Variants in MTR observed in about 807,000 individuals in gnomAD.
The protein encoded by MTR is 5-methyltetrahydrofolate-homocysteine methyltransferase, also known as methionine synthase.
A neutral mutation model predicts 154.8 loss-of-function variants in MTR; 84 were observed. The observed-to-expected ratio is 0.54, with a 90% CI of 0.45 to 0.65. The LOEUF is 0.65. MTR is among the 30% of genes least tolerant of loss of function. The pLI, the probability that MTR is intolerant of heterozygous loss-of-function variation, is 0.00. For synonymous variants in MTR, 554 were observed against 553.9 expected (o/e 1.00, Z 0.00); for missense variants, 1,275 against 1,570.2 (o/e 0.81, Z 3.18).
intron 8 of MTR, 72 bp downstream of exon 8, chr1:236,816,615 C>A: frequency 8.1e-7 from 1 of 1,241,824 alleles, no homozygotes; most frequent in South Asian, 1.2e-5. Flanking sequence ...GGAGTGTGAC[C>A]TGGGAGGGGA....
In MTR at chr1:236,898,064, C is replaced by G; in HGVS notation, c.*420C>G. On this transcript the variant is annotated 3_prime_UTR_variant, in exon 33 of 33. Coordinates refer to ENST00000366577, the MANE Select transcript of MTR (RefSeq NM_000254.3). ...TGAATAGAGAAGTGTGACCCTGTGA[C>G]AAAATGATACTGTGAGAAATGGGGC... is the stretch of plus-strand genomic sequence containing the variant. 4.8e-6 allele frequency: 1 copy of G among 209,962 alleles called. No individual in the cohort carries two copies. Among genetic ancestry groups the G allele is most frequent in the Non-Finnish European group, 9.5e-6 (1 of 104,784 alleles). 13.0% of individuals were successfully genotyped at this position (209,962 alleles called of 1,614,324 possible).
intron 13 of MTR, 30 bp from the exon 14 acceptor site, chr1:236,835,517 A>G: frequency 6.2e-7 from 1 of 1,612,520 alleles, no homozygotes; most frequent in Non-Finnish European, 8.5e-7. Context: ...CTGTCTCCTA[A>G]TGCTGCTTCC....
intron 8 of MTR, chr1:236,820,033 C>T (rs1317396695): frequency 1.2e-6 from 1 of 863,198 alleles, no homozygotes; most frequent in Non-Finnish European, 2.0e-6. Context: ...GACCAGCAGC[C>T]TCTCATGGAG....
rs1662122243 is a variant in MTR at position 236,823,806 on chromosome 1, T to TC, written c.765-313_765-312insC. Among the ~76,000 whole-genome samples the TC allele has an allele frequency of 2.3e-5, 3 of 130,430 alleles. No homozygotes were observed. In the East Asian group the frequency reaches 6.6e-4, roughly 29 times the overall value. 85.6% of individuals were successfully genotyped at this position (130,430 alleles called of 152,430 possible). On this transcript the variant is annotated intron_variant, in intron 8 of 32. Coordinates refer to ENST00000366577, the MANE Select transcript of MTR (RefSeq NM_000254.3). ...GCTTTCAGGTCAGATCTTTTTTTTT[T>TC]TTTTTTTTTTTTTTTTTTTTTTTAG...
chr1:236,867,046 C>T (rs576599644), intron 22 of MTR, among the ~76,000 whole-genome samples: 1 of 152,296 alleles, frequency 6.6e-6, no homozygotes, highest in South Asian at 2.1e-4. Context: ...TAGCTGACAT[C>T]ACTGAGGAAG....
At chr1:236,827,884 A>C (rs1334214043) in intron 11 of MTR, among the ~76,000 whole-genome samples, 1 of 152,110 alleles carries the variant, frequency 6.6e-6, no homozygotes, top group Non-Finnish European at 1.5e-5. Flanking sequence ...CACTGTTCCA[A>C]GTCTGTTTTC....
rs997975544 is a variant in MTR, at chr1:236,859,990, G to A, written c.2043+68G>A. ...TGGCTGACTGATCCTGTTGTGGGCGGTGTGACAGTAGCTGGAGAAGGAGAT... is the reference window on the plus strand; with the variant it reads ...TGGCTGACTGATCCTGTTGTGGGCGATGTGACAGTAGCTGGAGAAGGAGAT... On this transcript the variant is annotated intron_variant, in intron 19 of 32. Transcript: ENST00000366577. The A allele has an allele frequency of 4.2e-5, 59 of 1,395,512 alleles. No individual in the cohort carries two copies. In the African/African-American group the frequency reaches 6.3e-4, roughly 15 times the overall value. The allele number at this position is 1,395,512 out of a possible 1,614,324, so 86.4% of individuals were successfully genotyped here.
intron 29 of MTR, among the ~76,000 whole-genome samples, chr1:236,892,806 A>T (rs1015291834): frequency 2.0e-5 from 3 of 152,182 alleles, no homozygotes; most frequent in Non-Finnish European, 4.4e-5. Flanking sequence ...GCTCTAGCCC[A>T]GTCTTTCATC....
At chr1:236,803,809 A>G (rs1262431352) in intron 2 of MTR, among the ~76,000 whole-genome samples, 167 bp downstream of exon 2, 3 of 152,240 alleles carry the variant, frequency 2.0e-5, no homozygotes, top group Non-Finnish European at 4.4e-5. Context: ...TACTGTGTTA[A>G]GCACTCAGGA....
intron 14 of MTR, 115 bp downstream of exon 14, chr1:236,835,802 A>C: frequency 9.7e-5 from 130 of 1,339,766 alleles, no homozygotes; most frequent in Non-Finnish European, 1.3e-4. Context: ...TCTGTTTCTC[A>C]ACATCGAAAA....
intron 8 of MTR, among the ~76,000 whole-genome samples, chr1:236,822,681 C>T (rs79611361): frequency 0.023 from 3,534 of 152,202 alleles, 161 homozygotes; most frequent in African/African-American, 0.081. Context: ...TGTATAGTTA[C>T]CTTGTATTTT....
chr1:236,900,099 G>A lies in MTR; in HGVS notation c.*2455G>A. 3.1e-6 allele frequency: 1 copy of A among 318,574 alleles called. No homozygotes were observed. Among genetic ancestry groups the A allele is most frequent in the Non-Finnish European group, 6.3e-6 (1 of 158,436 alleles). The allele number at this position is 318,574 out of a possible 1,614,324, so 19.7% of individuals were successfully genotyped here. A position where few individuals can be genotyped will look rare whatever the true frequency, so the allele number is the denominator to read the frequency against. ...AAACTCTTGCATGTGGCCACTAGGAGGAATGTGTAAGAATGTTCATAGTTA... is the reference window on the plus strand; with the variant it reads ...AAACTCTTGCATGTGGCCACTAGGAAGAATGTGTAAGAATGTTCATAGTTA... On this transcript the variant is annotated 3_prime_UTR_variant, in exon 33 of 33. Coordinates refer to ENST00000366577, the MANE Select transcript of MTR (RefSeq NM_000254.3).
At chr1:236,820,451 G>A (rs1417397349) in intron 8 of MTR, 24 of 1,398,960 alleles carry the variant, frequency 1.7e-5, no homozygotes, top group Admixed American at 3.4e-5. Flanking sequence ...AGCCTGCCAC[G>A]GAAGACTGGT....
chr1:236,811,610 A>G (rs756986610), intron 5 of MTR: 1 of 456,234 alleles, frequency 2.2e-6, no homozygotes, highest in South Asian at 1.5e-5. Context: ...TGTTCATACC[A>G]GGCTTATGTG....
At chr1:236,838,074 T>C (rs1229642882) in intron 14 of MTR, among the ~76,000 whole-genome samples, 1 of 152,232 alleles carries the variant, frequency 6.6e-6, no homozygotes, top group African/African-American at 2.4e-5. Context: ...AGATCAGGGA[T>C]GTCTGAATCC....
Position 236,795,665 on chromosome 1 carries a change from C to G in MTR, c.-39C>G. ...TCGTCACCTGTGGAGAGCACGTCTTCTCTGCCGCGCCCTCTGCGCAAGGAG... is the reference window on the plus strand; with the variant it reads ...TCGTCACCTGTGGAGAGCACGTCTTGTCTGCCGCGCCCTCTGCGCAAGGAG... On this transcript the variant is annotated 5_prime_UTR_variant, in exon 1 of 33. Transcript: ENST00000366577. 1 of 1,613,500 alleles carries G rather than the reference C, an allele frequency of 6.2e-7. No homozygotes were observed. Among genetic ancestry groups the G allele is most frequent in the Non-Finnish European group, 8.5e-7 (1 of 1,179,954 alleles).
At chr1:236,798,034 A>T (rs1660500206) in intron 1 of MTR, among the ~76,000 whole-genome samples, 1 of 152,124 alleles carries the variant, frequency 6.6e-6, no homozygotes, top group South Asian at 2.1e-4. Flanking sequence ...GAAATTAGAG[A>T]TCCAAAAATG....
intron 18 of MTR, among the ~76,000 whole-genome samples, chr1:236,857,728 A>C (rs1412135852): frequency 6.6e-6 from 1 of 152,198 alleles, no homozygotes; most frequent in African/African-American, 2.4e-5. Flanking sequence ...TATAGAGGTG[A>C]TTGTCACCCA....
At chr1:236,883,579 T>C (rs1428730764) in intron 25 of MTR, among the ~76,000 whole-genome samples, 1 of 152,196 alleles carries the variant, frequency 6.6e-6, no homozygotes, top group Non-Finnish European at 1.5e-5. Flanking sequence ...AGAGTAGGCA[T>C]TCCCTTCTTG....
Sources: allele counts gnomAD v4.1 joint callset (sites outside exome capture counted in the v4.1 genomes callset), GRCh38; gene constraint gnomAD v4.1.1; transcripts MANE v1.5; gene names NCBI Gene and HGNC (gene_info 2026-07-23, HGNC 2026-07-21).